TRPM3: variants seen among roughly 807,000 people sequenced by gnomAD.
TRPM3 encodes long transient receptor potential channel 3.
Under a neutral mutation model 181.2 loss-of-function variants are expected in TRPM3, and 77 were observed. The observed-to-expected ratio is 0.42, with a 90% CI of 0.35 to 0.51. The LOEUF is 0.51. TRPM3 is among the 20% of genes least tolerant of loss of function. The probability of loss-of-function intolerance (pLI) is 0.01; values close to 1 mark genes in which losing one functional copy is unlikely to be tolerated. For missense variants in TRPM3, 1,759 were observed against 2,196.7 expected (o/e 0.80, Z 3.98); for synonymous variants, 745 against 796.4 (o/e 0.94, Z 1.09).
chr9:70,908,490 G>A (rs1026260340), intron 1 of TRPM3, among the ~76,000 whole-genome samples: 14 of 152,196 alleles, frequency 9.2e-5, no homozygotes, highest in African/African-American at 3.1e-4. Flanking sequence ...AATCCAGGAG[G>A]GAAGGGAGCC....
intron 1 of TRPM3, among the ~76,000 whole-genome samples, chr9:70,925,899 C>A (rs1471434309): frequency 1.3e-5 from 2 of 151,242 alleles, no homozygotes; most frequent in Middle Eastern, 3.2e-3. Flanking sequence ...GCCAATCCAA[C>A]TTTTCTGAAA....
chr9:71,222,894 C>T (rs1409377688), intron 1 of TRPM3, among the ~76,000 whole-genome samples: 1 of 152,166 alleles, frequency 6.6e-6, no homozygotes, highest in Non-Finnish European at 1.5e-5. Flanking sequence ...GAGATTGGAA[C>T]TTGAGTTTCA....
intron 1 of TRPM3, among the ~76,000 whole-genome samples, chr9:71,180,453 C>A (rs1238327801): frequency 6.6e-6 from 1 of 152,106 alleles, no homozygotes; most frequent in East Asian, 1.9e-4. Flanking sequence ...CCCTAAGAAT[C>A]CATTTTTAGG....
chr9:71,328,068 TA>T (rs201839952), intron 1 of TRPM3, among the ~76,000 whole-genome samples: 82 of 135,650 alleles, frequency 6.0e-4, no homozygotes, highest in East Asian at 1.1e-3. Context: ...TTTTCTGAAT[TA>T]AAAAAAAAAA....
intron 21 of TRPM3, among the ~76,000 whole-genome samples, chr9:70,595,726 C>A (rs990282076): frequency 1.3e-5 from 2 of 152,188 alleles, no homozygotes. Context: ...TATCCCTTGA[C>A]TCTAAATCTA....
chr9:71,370,009 T>C (rs2092460561), intron 1 of TRPM3, among the ~76,000 whole-genome samples: 1 of 152,188 alleles, frequency 6.6e-6, no homozygotes, highest in Non-Finnish European at 1.5e-5. Flanking sequence ...CACCAATCTT[T>C]GATGTTACTA....
chr9:71,200,781 T>A (rs2078730876), intron 1 of TRPM3, among the ~76,000 whole-genome samples: 1 of 152,150 alleles, frequency 6.6e-6, no homozygotes, highest in Admixed American at 6.5e-5. Context: ...GCACGTGAGA[T>A]GGGTTACCTG....
At chr9:71,399,909 A>C (rs2093302687) in intron 1 of TRPM3, among the ~76,000 whole-genome samples, 1 of 152,086 alleles carries the variant, frequency 6.6e-6, no homozygotes, top group South Asian at 2.1e-4. Context: ...ATGATATGAA[A>C]ATTTTAAAAA....
intron 1 of TRPM3, among the ~76,000 whole-genome samples, chr9:70,929,472 G>A (rs1385428935): frequency 6.6e-6 from 1 of 152,044 alleles, no homozygotes; most frequent in Non-Finnish European, 1.5e-5. Context: ...AAAGTGCTGG[G>A]ATTACAGGCG....
intron 1 of TRPM3, among the ~76,000 whole-genome samples, chr9:71,402,577 C>G (rs760258170): frequency 1.1e-4 from 17 of 152,132 alleles, no homozygotes; most frequent in Non-Finnish European, 1.2e-4. Context: ...ACTTTCTTTC[C>G]TACATCACTA....
At chr9:70,982,852 C>A (rs1465629497) in intron 1 of TRPM3, among the ~76,000 whole-genome samples, 1 of 152,068 alleles carries the variant, frequency 6.6e-6, no homozygotes, top group East Asian at 1.9e-4. Flanking sequence ...AGGTGCCCGC[C>A]ACCACACCTG....
At chr9:71,205,089 G>T (rs1419740884) in intron 1 of TRPM3, among the ~76,000 whole-genome samples, 2 of 151,992 alleles carry the variant, frequency 1.3e-5, no homozygotes, top group African/African-American at 4.8e-5. Context: ...GGGAGGAATT[G>T]CATTAGGAGA....
At chr9:70,545,495 T>A (rs141157146) in intron 25 of TRPM3, among the ~76,000 whole-genome samples, 2 of 151,660 alleles carry the variant, frequency 1.3e-5, no homozygotes, top group East Asian at 3.9e-4. Flanking sequence ...ATGACAATGA[T>A]CTTCACATAT....
intron 1 of TRPM3, among the ~76,000 whole-genome samples, chr9:70,967,849 G>A (rs1248771519): frequency 6.6e-6 from 1 of 151,894 alleles, no homozygotes; most frequent in African/African-American, 2.4e-5. Flanking sequence ...GGGTTTAATG[G>A]TCCCCACAAT....
intron 1 of TRPM3, among the ~76,000 whole-genome samples, chr9:70,946,817 T>C (rs2096938586): frequency 6.6e-6 from 1 of 152,128 alleles, no homozygotes; most frequent in Non-Finnish European, 1.5e-5. Context: ...GTACTTTGCA[T>C]AAAAAGGATC....
chr9:71,009,375 C>T (rs1286248532), intron 1 of TRPM3, among the ~76,000 whole-genome samples: 7 of 152,006 alleles, frequency 4.6e-5, no homozygotes, highest in Non-Finnish European at 1.0e-4. Flanking sequence ...TGGTATAACT[C>T]ATAAAAAAAT....
chr9:70,914,291 G>A (rs752406016), intron 1 of TRPM3, among the ~76,000 whole-genome samples: 1 of 152,204 alleles, frequency 6.6e-6, no homozygotes, highest in Non-Finnish European at 1.5e-5. Flanking sequence ...TGGAAGCAGA[G>A]ATTCCTCACA....
intron 6 of TRPM3, among the ~76,000 whole-genome samples, chr9:70,795,619 C>T (rs1024732204): frequency 2.0e-5 from 3 of 152,186 alleles, no homozygotes; most frequent in Admixed American, 6.5e-5. Context: ...CATCACGCCC[C>T]GAACGTCTTC....
At chr9:71,110,547 T>C (rs2070843299) in intron 1 of TRPM3, among the ~76,000 whole-genome samples, 2 of 152,170 alleles carry the variant, frequency 1.3e-5, no homozygotes, top group Admixed American at 1.3e-4. Flanking sequence ...ATAGACTACA[T>C]GAGCAGTTGC....
Sources: allele counts gnomAD v4.1 joint callset (sites outside exome capture counted in the v4.1 genomes callset), GRCh38; gene constraint gnomAD v4.1.1; transcripts MANE v1.5; gene names NCBI Gene and HGNC (gene_info 2026-07-23, HGNC 2026-07-21).